SOHLH2: variants seen among roughly 807,000 people sequenced by gnomAD.
SOHLH2 encodes spermatogenesis- and oogenesis-specific basic helix-loop-helix-containing protein 2.
Under a neutral mutation model 50.4 loss-of-function variants are expected in SOHLH2, and 22 were observed. The ratio of observed to expected loss-of-function variants is 0.44; its 90% CI spans 0.31 to 0.62. SOHLH2 has a LOEUF of 0.62. SOHLH2 is among the 20% of genes least tolerant of loss of function. The pLI, the probability that SOHLH2 is intolerant of heterozygous loss-of-function variation, is 0.08. For missense variants in SOHLH2, 412 were observed against 504.4 expected, an observed-to-expected ratio of 0.82 and a Z score of 1.76; for synonymous variants, 185 against 187.3, an observed-to-expected ratio of 0.99 and a Z score of 0.10.
At chr13:36,205,872 T>C (rs943338140) in intron 1 of SOHLH2, among the ~76,000 whole-genome samples, 1 of 152,076 alleles carries the variant, frequency 6.6e-6, no homozygotes, top group African/African-American at 2.4e-5. Flanking sequence ...CATTTTATAG[T>C]TCCTTATTGA....
At chr13:36,170,472 G>A in intron 10 of SOHLH2, 59 bp downstream of exon 10, 4 of 1,563,688 alleles carry the variant, frequency 2.6e-6, no homozygotes, top group Non-Finnish European at 3.5e-6. Context: ...GCAGGTCAGG[G>A]GTTTCTGCTG....
At chr13:36,203,747 TTGAA>T (rs1468421276) in intron 1 of SOHLH2, among the ~76,000 whole-genome samples, 1 of 152,174 alleles carries the variant, frequency 6.6e-6, no homozygotes, top group Non-Finnish European at 1.5e-5. Flanking sequence ...TTGGCATTTT[TTGAA>T]TGAATGGAGT....
chr13:36,196,691 G>A (rs1427086287), intron 2 of SOHLH2, among the ~76,000 whole-genome samples: 3 of 152,034 alleles, frequency 2.0e-5, no homozygotes, highest in Non-Finnish European at 2.9e-5. Context: ...TTGAAAACCC[G>A]ACTTTTCAAA....
intron 1 of SOHLH2, among the ~76,000 whole-genome samples, chr13:36,211,726 A>C (rs917842676): frequency 2.0e-5 from 3 of 152,232 alleles, no homozygotes; most frequent in Non-Finnish European, 4.4e-5. Flanking sequence ...CTTACGTTGC[A>C]AGAATGTTAT....
At position 36,174,457 on chromosome 13, in the gene SOHLH2, G is replaced by C. The variant is rs144889971; in HGVS notation, c.881+19C>G. 198 of 1,609,096 alleles carry C rather than the reference G, an allele frequency of 1.2e-4. 1 individual carries two copies. The highest frequency in any genetic ancestry group is 1.7e-4 in the Middle Eastern group (1 of 6,024). ...AAAATAACTAGCAGACTTCAGATTC[G>C]CAAAAGCCCTTATCATACCGCTGTG... On this transcript the variant is annotated intron_variant, in intron 8 of 10. Coordinates refer to ENST00000379881, the MANE Select transcript of SOHLH2 (RefSeq NM_017826.3).
At chr13:36,200,720 T>G (rs1212784531) in intron 2 of SOHLH2, among the ~76,000 whole-genome samples, 2 of 152,134 alleles carry the variant, frequency 1.3e-5, no homozygotes, top group African/African-American at 2.4e-5. Flanking sequence ...CTCCCACCAC[T>G]GGGCTCCAAT....
intron 7 of SOHLH2, 47 bp from the exon 8 acceptor site, chr13:36,174,614 T>C (rs770273137): frequency 7.4e-6 from 12 of 1,611,428 alleles, no homozygotes; most frequent in African/African-American, 6.7e-5. Flanking sequence ...CATTTTTACA[T>C]AGATACAAAG....
intron 2 of SOHLH2, 123 bp downstream of exon 2, chr13:36,201,756 C>A: frequency 1.4e-6 from 2 of 1,390,686 alleles, no homozygotes; most frequent in Non-Finnish European, 1.9e-6. Flanking sequence ...ACGCATGAGC[C>A]AATCCCTGGC....
intron 5 of SOHLH2, 103 bp downstream of exon 5, chr13:36,191,692 G>T (rs1887578276): frequency 1.5e-6 from 2 of 1,363,442 alleles, no homozygotes; most frequent in Admixed American, 2.0e-5. Context: ...GCCAGCTCAG[G>T]ATTCTTAAGT....
intron 6 of SOHLH2, 79 bp downstream of exon 6, chr13:36,189,867 A>G: frequency 7.4e-7 from 1 of 1,350,262 alleles, no homozygotes; most frequent in Non-Finnish European, 9.9e-7. Context: ...ACTTTTAATA[A>G]TACTACAAAA....
At chr13:36,206,280 A>G (rs1428535471) in intron 1 of SOHLH2, among the ~76,000 whole-genome samples, 2 of 152,058 alleles carry the variant, frequency 1.3e-5, no homozygotes, top group Non-Finnish European at 2.9e-5. Context: ...GGAAAGTTCT[A>G]TTGGGCAGCA....
At chr13:36,197,160 CTT>C (rs780192910) in intron 2 of SOHLH2, among the ~76,000 whole-genome samples, 2 of 152,206 alleles carry the variant, frequency 1.3e-5, no homozygotes, top group Non-Finnish European at 2.9e-5. Context: ...ATTAATGTCT[CTT>C]GTGTTTGCAA....
intron 7 of SOHLH2, 75 bp from the exon 8 acceptor site, chr13:36,174,642 A>AT: frequency 6.3e-7 from 1 of 1,599,292 alleles, no homozygotes; most frequent in East Asian, 2.2e-5. Context: ...CTTTCCAATG[A>AT]TAAAAAATTA....
At position 36,174,416 on chromosome 13, in the gene SOHLH2, G is replaced by A. The variant is rs1240310000; in HGVS notation, c.881+60C>T. On this transcript the variant is annotated intron_variant, in intron 8 of 10. Transcript: ENST00000379881. ...ATAGCAGTTTTTGTGTACATATTTA[G>A]CATCAACATGGGAGGAAAATAACTA... 9.4e-6 allele frequency: 15 copies of A among 1,599,836 alleles called. No homozygotes were observed. The Admixed American group carries it at 2.6e-4, about 28-fold the overall frequency.
chr13:36,191,127 A>C (rs1186247505), intron 5 of SOHLH2, among the ~76,000 whole-genome samples: 2 of 152,202 alleles, frequency 1.3e-5, no homozygotes, highest in African/African-American at 2.4e-5. Flanking sequence ...TTTTATAAGC[A>C]TACTAGCATT....
intron 2 of SOHLH2, among the ~76,000 whole-genome samples, chr13:36,198,796 A>G (rs1368618799): frequency 1.2e-4 from 19 of 152,226 alleles, no homozygotes; most frequent in Non-Finnish European, 2.2e-4. Flanking sequence ...ATAAAAATCT[A>G]TATGTCTTAC....
chr13:36,203,505 A>T (rs1476950686), intron 1 of SOHLH2, among the ~76,000 whole-genome samples: 6 of 152,184 alleles, frequency 3.9e-5, no homozygotes, highest in Non-Finnish European at 4.4e-5. Context: ...CGGTGCCATG[A>T]TGAATACATT....
chr13:36,193,691 T>TA lies in SOHLH2; in HGVS notation c.359dup (p.Leu120PhefsTer3). On this transcript the variant is annotated frameshift_variant, in exon 4 of 11. Transcript: ENST00000379881. LOFTEE classifies it high-confidence loss of function. ...TTTTTTCCATTGTCAGTGGTTCAGTTAAAGCAATATCCATTCCATGCCCTG... is the reference window on the plus strand; with the variant it reads ...TTTTTTCCATTGTCAGTGGTTCAGTTAAAAGCAATATCCATTCCATGCCCTG... The TA allele has an allele frequency of 6.2e-7, 1 of 1,613,286 alleles. No homozygotes were observed. The highest frequency in any genetic ancestry group is 8.5e-7 in the Non-Finnish European group (1 of 1,179,832).
intron 2 of SOHLH2, among the ~76,000 whole-genome samples, chr13:36,199,193 C>G (rs2138313502): frequency 6.6e-6 from 1 of 152,132 alleles, no homozygotes; most frequent in Non-Finnish European, 1.5e-5. Context: ...CTGGAAACAT[C>G]CTCTACAGGG....
Sources: gnomAD v4.1 joint callset for allele counts (sites outside exome capture counted in the v4.1 genomes callset) on GRCh38, gnomAD v4.1.1 for gene constraint, MANE v1.5 for transcripts, NCBI Gene and HGNC (gene_info 2026-07-23, HGNC 2026-07-21) for gene names.